The following SLC6A5 variants were observed in gnomAD, a reference collection of about 807,000 sequenced individuals.
SLC6A5 encodes sodium- and chloride-dependent glycine transporter 2.
In SLC6A5, 58 loss-of-function variants were observed where a neutral mutation model predicts 90.5. That is an observed-to-expected ratio of 0.64 (90% CI 0.52 to 0.80). The LOEUF is 0.80. Ranked by LOEUF, SLC6A5 falls within the 30% of genes least tolerant of loss-of-function variation. The pLI, the probability that SLC6A5 is intolerant of heterozygous loss-of-function variation, is 0.00. For synonymous variants in SLC6A5, 427 were observed against 401.4 expected, an observed-to-expected ratio of 1.06 and a Z score of -0.76; for missense variants, 1,015 against 1,017.6, an observed-to-expected ratio of 1.00 and a Z score of 0.03.
intron 9 of SLC6A5, 35 bp downstream of exon 9, chr11:20,628,118 G>A (rs763627610): frequency 2.7e-6 from 4 of 1,495,872 alleles, no homozygotes; most frequent in Non-Finnish European, 3.7e-6. Context: ...GGGCATAGCT[G>A]GTGAGTGGGA....
chr11:20,601,269 G>A lies in SLC6A5; in HGVS notation c.144G>A (p.Pro48=). The A allele has an allele frequency of 6.3e-7, 1 of 1,585,404 alleles. No individual in the cohort carries two copies. Residue 48 remains proline (P), a synonymous_variant, in exon 2 of 16, where the codon CCG becomes CCA. Coordinates refer to ENST00000525748, the MANE Select transcript of SLC6A5 (RefSeq NM_004211.5). The part of the protein sequence containing the change: ...QELPAAAAPP[P]PRVPRSASTG... Reference sequence around the variant, plus strand: ...TTCCCGCGGCTGCCGCCCCGCCGCCGCCACGTGTGCCCAGGTCCGCTTCCA... The same window carrying A: ...TTCCCGCGGCTGCCGCCCCGCCGCCACCACGTGTGCCCAGGTCCGCTTCCA...
intron 6 of SLC6A5, among the ~76,000 whole-genome samples, chr11:20,616,365 A>T (rs1852783046): frequency 6.6e-6 from 1 of 152,162 alleles, no homozygotes; most frequent in Non-Finnish European, 1.5e-5. Context: ...TTTGCAAATC[A>T]TTTTCCAGTA....
chr11:20,634,660 C>A (rs1266070493), intron 10 of SLC6A5, among the ~76,000 whole-genome samples: 5 of 152,106 alleles, frequency 3.3e-5, no homozygotes, highest in South Asian at 2.1e-4. Flanking sequence ...ACATAGGGAG[C>A]CTTCAGAGGC....
In SLC6A5 at chr11:20,604,421, G is replaced by A. The variant is rs749454269; in HGVS notation, c.676G>A (p.Gly226Arg). The A allele has an allele frequency of 6.2e-7, 1 of 1,613,766 alleles. No individual in the cohort carries two copies. The highest frequency in any genetic ancestry group is 8.5e-7 in the Non-Finnish European group (1 of 1,179,894). ...TCCCTACCTGGCCTTCCAGAACGGG[G>A]GAGGTATGGCTTTTCCGCTCTTTCC... ...RFPYLAFQNGGGAFLIPYLMM... is the reference protein window; with the variant it reads ...RFPYLAFQNGRGAFLIPYLMM... Residue 226 changes from glycine to arginine, a missense_variant, in exon 3 of 16, where the codon GGA becomes AGA. By Grantham distance (125) the Gly-to-Arg change is moderately radical. Around this residue, in one of 3 missense-constraint regions of SLC6A5, gnomAD observed 567 missense variants for 507.3 expected, o/e 1.12. Coordinates refer to ENST00000525748, the MANE Select transcript of SLC6A5 (RefSeq NM_004211.5).
intron 5 of SLC6A5, among the ~76,000 whole-genome samples, chr11:20,612,017 A>G (rs1852703379): frequency 1.3e-5 from 2 of 152,108 alleles, no homozygotes; most frequent in African/African-American, 4.8e-5. Flanking sequence ...TGGGCAATGG[A>G]CCTATTGCGG....
At chr11:20,644,006 T>C (rs147966062) in intron 13 of SLC6A5, among the ~76,000 whole-genome samples, 1 of 152,342 alleles carries the variant, frequency 6.6e-6, no homozygotes, top group East Asian at 1.9e-4. Context: ...AATTTTAAGA[T>C]TGAAGTACAA....
chr11:20,606,939 A>G (rs1247509251), intron 3 of SLC6A5, 68 bp from the exon 4 acceptor site: 3 of 1,605,662 alleles, frequency 1.9e-6, no homozygotes, highest in Non-Finnish European at 2.6e-6. Flanking sequence ...CCCCTAGCCC[A>G]GAGGGTTAAG....
At chr11:20,650,830 C>A (rs1342848973) in intron 14 of SLC6A5, among the ~76,000 whole-genome samples, 2 of 151,974 alleles carry the variant, frequency 1.3e-5, no homozygotes, top group Non-Finnish European at 2.9e-5. Context: ...CCACGCCCGG[C>A]TAATTTTTTG....
Position 20,655,022 on chromosome 11 carries a change from T to G in SLC6A5, c.*154T>G, listed in dbSNP as rs1052187477. The G allele has an allele frequency of 9.5e-6, 8 of 842,294 alleles. No individual in the cohort carries two copies. The highest frequency in any genetic ancestry group is 1.2e-5 in the Non-Finnish European group (6 of 494,672). The allele number at this position is 842,294 out of a possible 1,614,324, so 52.2% of individuals were successfully genotyped here. A position where few individuals can be genotyped will look rare whatever the true frequency, so the allele number is the denominator to read the frequency against. The stretch of plus-strand genomic sequence containing the variant: ...GAGTGATTATGTAGAAAAGTAGGCA[T>G]AGTGTCGCATGCTGCAGTAAAGAGC... On this transcript the variant is annotated 3_prime_UTR_variant, in exon 16 of 16. Coordinates refer to ENST00000525748, the MANE Select transcript of SLC6A5 (RefSeq NM_004211.5).
chr11:20,604,448 C>G, intron 3 of SLC6A5, 24 bp downstream of exon 3: 2 of 1,611,552 alleles, frequency 1.2e-6, no homozygotes, highest in Non-Finnish European at 1.7e-6. Flanking sequence ...GCTCTTTCCG[C>G]CTGCGGCGGG....
rs1264509257 is a variant in SLC6A5 at position 20,601,623 on chromosome 11, C to T, written c.498C>T (p.Ile166=). 4 of 1,614,064 alleles carry T rather than the reference C, an allele frequency of 2.5e-6. No individual in the cohort carries two copies. The Admixed American group carries it at 5.0e-5, about 20-fold the overall frequency. The part of the protein sequence containing the change: ...QSTVVLATDG[I]TSVLPGSVAT... ...CCGTGGTGCTGGCCACGGATGGAAT[C>T]ACGTCCGTGCTCCCGGGCAGCGTGG... The change falls in exon 2 of 16, where the codon ATC becomes ATT. Residue 166 remains isoleucine, a synonymous_variant. Transcript: ENST00000525748.
chr11:20,600,589 C>T (rs1390461863), intron 1 of SLC6A5, among the ~76,000 whole-genome samples: 1 of 152,130 alleles, frequency 6.6e-6, no homozygotes, highest in African/African-American at 2.4e-5. Flanking sequence ...CTTGTCTTTG[C>T]TACCTGGCGG....
intron 13 of SLC6A5, among the ~76,000 whole-genome samples, chr11:20,641,911 A>G (rs1174027593): frequency 6.6e-6 from 1 of 151,806 alleles, no homozygotes; most frequent in Non-Finnish European, 1.5e-5. Flanking sequence ...CCCAGAGATA[A>G]TGGAGGGTCA....
At chr11:20,612,177 A>G (rs1310808825) in intron 5 of SLC6A5, among the ~76,000 whole-genome samples, 1 of 152,200 alleles carries the variant, frequency 6.6e-6, no homozygotes, top group Non-Finnish European at 1.5e-5. Context: ...GTGGTAGGCA[A>G]TTTATGGCAG....
intron 13 of SLC6A5, among the ~76,000 whole-genome samples, chr11:20,641,549 T>C (rs1853314920): frequency 6.6e-6 from 1 of 152,154 alleles, no homozygotes; most frequent in Admixed American, 6.5e-5. Context: ...AATCTGCAAA[T>C]TCAAGCTTAA....
At chr11:20,602,875 C>G (rs955435456) in intron 2 of SLC6A5, among the ~76,000 whole-genome samples, 5 of 152,196 alleles carry the variant, frequency 3.3e-5, no homozygotes, top group African/African-American at 4.8e-5. Flanking sequence ...CAGTGTGACC[C>G]CAGGTGGAGC....
At chr11:20,629,214 G>A (rs577045144) in intron 9 of SLC6A5, 3 of 152,184 alleles carry the variant, frequency 2.0e-5, no homozygotes, top group Admixed American at 2.0e-4. Flanking sequence ...TGCGATGAAG[G>A]TAGAGACACT....
chr11:20,618,945 GAC>G (rs68111718), intron 7 of SLC6A5, among the ~76,000 whole-genome samples: 85 of 148,660 alleles, frequency 5.7e-4, no homozygotes, highest in Non-Finnish European at 1.0e-3. Context: ...TGTCCCGCCC[GAC>G]ACACACACAC....
At chr11:20,640,934 CTAA>C (rs1853301569) in intron 13 of SLC6A5, among the ~76,000 whole-genome samples, 1 of 152,078 alleles carries the variant, frequency 6.6e-6, no homozygotes. Context: ...CTTCTTGTTT[CTAA>C]TAATCTCTAG....
Sources: allele counts gnomAD v4.1 joint callset (sites outside exome capture counted in the v4.1 genomes callset), GRCh38; gene constraint gnomAD v4.1.1; regional missense constraint gnomAD v4.1.1; transcripts MANE v1.5; gene names NCBI Gene and HGNC (gene_info 2026-07-23, HGNC 2026-07-21).